ATG2B: variants seen among roughly 807,000 people sequenced by gnomAD.
ATG2B encodes autophagy related 2B, also known as autophagy-related protein 2 homolog B.
In ATG2B, 121 loss-of-function variants were observed where a neutral mutation model predicts 241.3. The observed-to-expected ratio is 0.50, with a 90% CI of 0.43 to 0.58. The LOEUF (loss-of-function observed/expected upper bound fraction) is 0.58. ATG2B is among the 20% of genes least tolerant of loss of function. The pLI is 0.00. For synonymous variants in ATG2B, 858 were observed against 876.6 expected (o/e 0.98, Z 0.37); for missense variants, 2,306 against 2,491.6 (o/e 0.93, Z 1.59).
intron 5 of ATG2B, among the ~76,000 whole-genome samples, chr14:96,342,899 C>T (rs1243282661): frequency 1.3e-5 from 2 of 152,172 alleles, no homozygotes; most frequent in Admixed American, 1.3e-4. Flanking sequence ...CAGTACCCAA[C>T]ATTTCTCTTT....
chr14:96,321,309 G>A (rs1352348646), intron 18 of ATG2B, among the ~76,000 whole-genome samples: 3 of 152,202 alleles, frequency 2.0e-5, no homozygotes, highest in African/African-American at 7.2e-5. Context: ...CTACATGTAG[G>A]AAGCTAGTGA....
At chr14:96,347,872 T>C (rs1008986423) in intron 1 of ATG2B, among the ~76,000 whole-genome samples, 1 of 152,190 alleles carries the variant, frequency 6.6e-6, no homozygotes, top group African/African-American at 2.4e-5. Flanking sequence ...GCAACCCTCA[T>C]ACACTGTTGG....
In ATG2B at chr14:96,306,928, G is replaced by C. The variant is rs762947406; in HGVS notation, c.4304-12C>G. The C allele has an allele frequency of 1.2e-6, 2 of 1,607,646 alleles. No homozygotes were observed. Among genetic ancestry groups the C allele is most frequent in the Non-Finnish European group, 1.7e-6 (2 of 1,176,836 alleles). ...TTCATCCAAAACACCTAGATAAAAA[G>C]ATTACAACATTTTGGCACACTTTGA... On this transcript the variant is annotated splice_polypyrimidine_tract_variant and intron_variant, in intron 29 of 41. Transcript: ENST00000359933.
At chr14:96,302,133 AT>A in intron 33 of ATG2B, 25 bp from the exon 34 acceptor site, 1 of 1,449,736 alleles carries the variant, frequency 6.9e-7, no homozygotes, top group Non-Finnish European at 9.7e-7. Flanking sequence ...AGAGAATAAC[AT>A]TTTTCCCCAA....
chr14:96,346,480 T>A (rs1052312321), intron 2 of ATG2B, among the ~76,000 whole-genome samples: 1 of 152,204 alleles, frequency 6.6e-6, no homozygotes, highest in African/African-American at 2.4e-5. Flanking sequence ...TTTCCATGCA[T>A]GCATAATCGG....
At position 96,344,643 on chromosome 14, in the gene ATG2B, A is replaced by G; in HGVS notation, c.581+11T>C. 6.6e-7 allele frequency: 1 copy of G among 1,523,156 alleles called. No individual in the cohort carries two copies. Among genetic ancestry groups the G allele is most frequent in the Non-Finnish European group, 9.0e-7 (1 of 1,108,826 alleles). 94.4% of individuals were successfully genotyped at this position (1,523,156 alleles called of 1,614,324 possible). A position where few individuals can be genotyped will look rare whatever the true frequency, so the allele number is the denominator to read the frequency against. ...ATAGGGTCATTTATTTTCAGACATAAGAATTCTTACCTTTCTATTCGAATT... is the reference window on the plus strand; with the variant it reads ...ATAGGGTCATTTATTTTCAGACATAGGAATTCTTACCTTTCTATTCGAATT... On this transcript the variant is annotated intron_variant, in intron 4 of 41. Transcript: ENST00000359933.
rs144008184 is a variant in ATG2B, at chr14:96,357,864, T to C, written c.162+4951A>G. On this transcript the variant is annotated intron_variant, in intron 1 of 41. Coordinates refer to ENST00000359933, the MANE Select transcript of ATG2B (RefSeq NM_018036.7). ...GATGGGATTAAGCTCTATTACTTCA[T>C]ACCTCATATATTTCTTTACTGTTTG... 9.5e-4 allele frequency among the ~76,000 whole-genome samples: 145 copies of C among 152,348 alleles called. 1 individual carries two copies. The highest frequency in any genetic ancestry group is 3.3e-3 in the African/African-American group (137 of 41,588).
intron 41 of ATG2B, among the ~76,000 whole-genome samples, chr14:96,286,572 C>T (rs1281060633): frequency 6.6e-6 from 1 of 152,148 alleles, no homozygotes; most frequent in Non-Finnish European, 1.5e-5. Flanking sequence ...ATCTTTCTCA[C>T]AACATAATAA....
rs764923130 is a variant in ATG2B, at chr14:96,334,445, C to T, written c.981G>A (p.Val327=). The part of the protein sequence containing the change: ...SIHLLLSPRQ[V]HLLLDMLAAI... ...CTGCCAACATATCCAAAAGCAAGTG[C>T]ACCTGTCTTGGTGACAGGAGTAGAT... The change falls in exon 7 of 42, where the codon GTG becomes GTA. Residue 327 remains valine (V), a synonymous_variant. Coordinates refer to ENST00000359933, the MANE Select transcript of ATG2B (RefSeq NM_018036.7). 4.3e-6 allele frequency: 7 copies of T among 1,611,366 alleles called. No individual in the cohort carries two copies. Among genetic ancestry groups the T allele is most frequent in the Non-Finnish European group, 5.1e-6 (6 of 1,179,078 alleles).
intron 10 of ATG2B, among the ~76,000 whole-genome samples, chr14:96,331,856 T>C (rs887912120): frequency 6.6e-6 from 1 of 152,130 alleles, no homozygotes; most frequent in African/African-American, 2.4e-5. Context: ...CAACAGTAAA[T>C]GTACAAACCA....
chr14:96,294,406 G>A (rs1313143136), intron 36 of ATG2B, among the ~76,000 whole-genome samples: 1 of 152,220 alleles, frequency 6.6e-6, no homozygotes, highest in Non-Finnish European at 1.5e-5. Context: ...GGAAACTGCA[G>A]TGTGCTGTGC....
At chr14:96,312,986 A>G in intron 25 of ATG2B, 79 bp downstream of exon 25, 1 of 902,378 alleles carries the variant, frequency 1.1e-6, no homozygotes, top group Non-Finnish European at 1.7e-6. Context: ...TTGAGACTTT[A>G]ATAAAATGGT....
chr14:96,303,155 A>C lies in ATG2B; in HGVS notation c.4943T>G (p.Leu1648Arg). 2 of 1,613,678 alleles carry C rather than the reference A, an allele frequency of 1.2e-6. No individual in the cohort carries two copies. Among genetic ancestry groups the C allele is most frequent in the Non-Finnish European group, 1.7e-6 (2 of 1,179,820 alleles). ...VSRQVFIVQD[L>R]EIRDRLATSQ... Reference sequence around the variant, plus strand: ...TGTTGCCAAACGATCTCGAATCTCAAGATCCTGAACAATGAACACCTGCCG... The same window carrying C: ...TGTTGCCAAACGATCTCGAATCTCACGATCCTGAACAATGAACACCTGCCG... The change falls in exon 33 of 42, where the codon CTT (leucine) becomes CGT (arginine). Residue 1648 changes from leucine to arginine, a missense_variant. By Grantham distance (102) the Leu-to-Arg change is moderately radical. Coordinates refer to ENST00000359933, the MANE Select transcript of ATG2B (RefSeq NM_018036.7).
At chr14:96,291,932 A>G (rs1886496521) in intron 37 of ATG2B, 97 bp downstream of exon 37, 10 of 856,854 alleles carry the variant, frequency 1.2e-5, no homozygotes, top group African/African-American at 1.0e-4. Context: ...TTTCAAACAT[A>G]TATATAAACT....
At chr14:96,321,063 G>A (rs565389652) in intron 18 of ATG2B, among the ~76,000 whole-genome samples, 2 of 152,022 alleles carry the variant, frequency 1.3e-5, no homozygotes, top group Non-Finnish European at 2.9e-5. Flanking sequence ...TACCAGAGTG[G>A]ACTGTTCTCT....
intron 6 of ATG2B, among the ~76,000 whole-genome samples, chr14:96,336,807 T>C (rs1391954030): frequency 6.6e-6 from 1 of 152,310 alleles, no homozygotes; most frequent in African/African-American, 2.4e-5. Flanking sequence ...AGAGTTTACA[T>C]AATCTTTTGA....
Position 96,363,027 on chromosome 14 carries a change from G to A in ATG2B, c.-51C>T, listed in dbSNP as rs1256121955. ...TGCGGCTGCGGGTTGCGACGGCTCC[G>A]GCCTCGGGGTAGCGACTCCGGCTCC... On this transcript the variant is annotated 5_prime_UTR_variant, in exon 1 of 42. Coordinates refer to ENST00000359933, the MANE Select transcript of ATG2B (RefSeq NM_018036.7). 1.2e-6 allele frequency: 2 copies of A among 1,606,422 alleles called. No individual in the cohort carries two copies. The highest frequency in any genetic ancestry group is 1.7e-6 in the Non-Finnish European group (2 of 1,176,560).
chr14:96,338,202 T>C (rs1887916080), intron 6 of ATG2B, among the ~76,000 whole-genome samples: 1 of 152,122 alleles, frequency 6.6e-6, no homozygotes, highest in Non-Finnish European at 1.5e-5. Context: ...TCTTCAGGGT[T>C]GTCTAGGTAT....
intron 34 of ATG2B, among the ~76,000 whole-genome samples, chr14:96,296,831 A>G (rs1464753765): frequency 2.0e-5 from 3 of 152,036 alleles, no homozygotes; most frequent in African/African-American, 7.2e-5. Flanking sequence ...GCCAAAATGC[A>G]ATGTGAAGGG....
Sources: allele counts gnomAD v4.1 joint callset (sites outside exome capture counted in the v4.1 genomes callset), GRCh38; gene constraint gnomAD v4.1.1; transcripts MANE v1.5; gene names NCBI Gene and HGNC (gene_info 2026-07-23, HGNC 2026-07-21).